CDH18: variants seen among roughly 807,000 people sequenced by gnomAD.
CDH18 encodes cadherin 18.
A neutral mutation model predicts 67.9 loss-of-function variants in CDH18; 31 were observed. The ratio of observed to expected loss-of-function variants is 0.46; its 90% CI spans 0.34 to 0.62. The LOEUF is 0.62. CDH18 is among the 20% of genes least tolerant of loss of function. The pLI, the probability that CDH18 is intolerant of heterozygous loss-of-function variation, is 0.01. For synonymous variants in CDH18, 362 were observed against 347.2 expected, an observed-to-expected ratio of 1.04 and a Z score of -0.48; for missense variants, 890 against 975.5, an observed-to-expected ratio of 0.91 and a Z score of 1.17.
intron 8 of CDH18, among the ~76,000 whole-genome samples, chr5:19,545,896 A>C (rs1032983822): frequency 2.0e-5 from 3 of 152,208 alleles, no homozygotes; most frequent in Non-Finnish European, 4.4e-5. Flanking sequence ...GGAATGGTAT[A>C]ATCTCATCTG....
chr5:20,046,323 A>G (rs1009719038), intron 2 of CDH18, among the ~76,000 whole-genome samples: 3 of 151,966 alleles, frequency 2.0e-5, no homozygotes, highest in Non-Finnish European at 4.4e-5. Flanking sequence ...ATTTACTGAG[A>G]TGAGGAACAG....
intron 5 of CDH18, among the ~76,000 whole-genome samples, chr5:19,712,018 G>A (rs567339672): frequency 3.9e-5 from 6 of 152,036 alleles, no homozygotes; most frequent in East Asian, 1.9e-4. Flanking sequence ...GAACATAGAC[G>A]GAACTGGAAG....
chr5:20,415,395 A>G (rs575021411), intron 1 of CDH18, among the ~76,000 whole-genome samples: 20 of 152,172 alleles, frequency 1.3e-4, no homozygotes, highest in Middle Eastern at 3.4e-3. Flanking sequence ...GATGAATGAA[A>G]AAAGAAAGTG....
chr5:20,485,617 G>A (rs1327113237), intron 1 of CDH18, among the ~76,000 whole-genome samples: 4 of 151,702 alleles, frequency 2.6e-5, no homozygotes, highest in Non-Finnish European at 5.9e-5. Flanking sequence ...TTCATATAAT[G>A]TCTCAATTCT....
chr5:20,430,879 C>T (rs906831616), intron 1 of CDH18, among the ~76,000 whole-genome samples: 15 of 152,046 alleles, frequency 9.9e-5, no homozygotes, highest in Admixed American at 7.2e-4. Flanking sequence ...AAGTAAAATA[C>T]GGCCAAGTCC....
intron 2 of CDH18, among the ~76,000 whole-genome samples, chr5:20,057,834 T>C (rs1347813893): frequency 1.3e-5 from 2 of 152,178 alleles, no homozygotes; most frequent in Non-Finnish European, 2.9e-5. Context: ...ACTTGGTGTG[T>C]ATGCTGAGAA....
chr5:20,056,264 G>C (rs1197911825), intron 2 of CDH18, among the ~76,000 whole-genome samples: 3 of 147,892 alleles, frequency 2.0e-5, no homozygotes, highest in South Asian at 2.1e-4. Flanking sequence ...TTGGCCTCCC[G>C]TAGTGCTGGG....
intron 1 of CDH18, among the ~76,000 whole-genome samples, chr5:20,398,013 C>T (rs1247092058): frequency 2.0e-5 from 3 of 152,056 alleles, no homozygotes; most frequent in Non-Finnish European, 4.4e-5. Context: ...TCCTCAGTTG[C>T]ACTAGCTACA....
intron 2 of CDH18, among the ~76,000 whole-genome samples, chr5:20,172,207 T>TATATATAC (rs1554098715): frequency 9.1e-5 from 6 of 65,834 alleles, no homozygotes; most frequent in Admixed American, 5.0e-4. Flanking sequence ...TATATATATA[T>TATATATAC]ATATATATAT....
chr5:20,340,153 A>G (rs560492890), intron 1 of CDH18, among the ~76,000 whole-genome samples: 1 of 152,182 alleles, frequency 6.6e-6, no homozygotes, highest in Non-Finnish European at 1.5e-5. Context: ...GCCTTTTTGG[A>G]AAGGCTGAGA....
intron 2 of CDH18, among the ~76,000 whole-genome samples, chr5:20,193,470 G>A (rs1738706582): frequency 6.6e-6 from 1 of 151,940 alleles, no homozygotes; most frequent in Admixed American, 6.6e-5. Flanking sequence ...AAATGCCTAG[G>A]ATCAAGCAGA....
intron 2 of CDH18, among the ~76,000 whole-genome samples, chr5:19,896,110 A>C (rs556295153): frequency 6.4e-4 from 97 of 152,242 alleles, no homozygotes; most frequent in Non-Finnish European, 1.2e-3. Context: ...TAATCCCAGC[A>C]CTTTGGGAGG....
intron 5 of CDH18, among the ~76,000 whole-genome samples, chr5:19,644,664 A>G (rs1012939002): frequency 1.3e-5 from 2 of 152,102 alleles, no homozygotes; most frequent in Admixed American, 1.3e-4. Flanking sequence ...CCATATATGG[A>G]TCCTAAAAAA....
chr5:19,994,281 A>G (rs1008983807), intron 2 of CDH18, among the ~76,000 whole-genome samples: 12 of 151,370 alleles, frequency 7.9e-5, no homozygotes, highest in Middle Eastern at 6.9e-3. Flanking sequence ...ATACATATAT[A>G]CACATATATG....
At chr5:20,119,085 AGCATCAAT>A (rs1045380107) in intron 2 of CDH18, among the ~76,000 whole-genome samples, 1 of 152,170 alleles carries the variant, frequency 6.6e-6, no homozygotes, top group African/African-American at 2.4e-5. Flanking sequence ...TGTGTTCTGA[AGCATCAAT>A]GCATGTGACT....
chr5:20,563,895 A>T (rs1758354915), intron 1 of CDH18, among the ~76,000 whole-genome samples: 1 of 152,122 alleles, frequency 6.6e-6, no homozygotes, highest in Non-Finnish European at 1.5e-5. Context: ...TTTGAAATTA[A>T]ATAAACTAGT....
At chr5:19,747,389 GT>G (rs373293236) in intron 3 of CDH18, among the ~76,000 whole-genome samples, 153 bp from the exon 4 acceptor site, 66 of 143,008 alleles carry the variant, frequency 4.6e-4, no homozygotes, top group Middle Eastern at 7.4e-3. Flanking sequence ...CTTTTCTGCA[GT>G]TTTTTTTTTT....
At chr5:20,515,307 TAAA>T (rs5866433) in intron 1 of CDH18, among the ~76,000 whole-genome samples, 1 of 121,194 alleles carries the variant, frequency 8.3e-6, no homozygotes, top group Non-Finnish European at 1.8e-5. Flanking sequence ...AAGAGAGTAA[TAAA>T]AAAAAAAAAA....
intron 1 of CDH18, among the ~76,000 whole-genome samples, chr5:20,277,167 G>A (rs1343409873): frequency 6.6e-6 from 1 of 152,158 alleles, no homozygotes; most frequent in Admixed American, 6.5e-5. Flanking sequence ...ACAGGCGGTA[G>A]CCAGGAGGTG....
Sources: allele counts gnomAD v4.1 joint callset (sites outside exome capture counted in the v4.1 genomes callset), GRCh38; gene constraint gnomAD v4.1.1; transcripts MANE v1.5; gene names NCBI Gene and HGNC (gene_info 2026-07-23, HGNC 2026-07-21).